The following ZZEF1 variants were observed in gnomAD, a reference collection of about 807,000 sequenced individuals.
ZZEF1 encodes the protein zinc finger ZZ-type and EF-hand domain containing 1.
Under a neutral mutation model 342.8 loss-of-function variants are expected in ZZEF1, and 157 were observed. That is an observed-to-expected ratio of 0.46 (90% CI 0.40 to 0.52). The LOEUF (loss-of-function observed/expected upper bound fraction) is 0.52. ZZEF1 is among the 20% of genes least tolerant of loss of function. The pLI is 0.00. For synonymous variants in ZZEF1, 1,505 were observed against 1,429.1 expected (o/e 1.05, Z -1.20); for missense variants, 3,480 against 3,725.6 (o/e 0.93, Z 1.72).
intron 1 of ZZEF1, among the ~76,000 whole-genome samples, chr17:4,135,741 T>TAA (rs1379817118): frequency 6.6e-6 from 1 of 152,150 alleles, no homozygotes; most frequent in African/African-American, 2.4e-5. Flanking sequence ...TCGGAGTTCC[T>TAA]GCCAAACCCT....
At chr17:4,085,857 A>G in intron 15 of ZZEF1, 54 bp from the exon 16 acceptor site, 1 of 1,602,406 alleles carries the variant, frequency 6.2e-7, no homozygotes, top group Non-Finnish European at 8.5e-7. Context: ...ATTCGCTTAT[A>G]CATCTGCTAT....
chr17:4,055,630 G>A (rs1369599457), intron 33 of ZZEF1, among the ~76,000 whole-genome samples: 3 of 152,188 alleles, frequency 2.0e-5, no homozygotes. Flanking sequence ...AGGCCCTCCA[G>A]CAATTCTATT....
At chr17:4,057,221 A>G (rs2057181194) in intron 32 of ZZEF1, among the ~76,000 whole-genome samples, 1 of 152,208 alleles carries the variant, frequency 6.6e-6, no homozygotes, top group Non-Finnish European at 1.5e-5. Flanking sequence ...CAAGATCCAC[A>G]GGCTCATGCC....
chr17:4,137,478 G>A (rs948826543), intron 1 of ZZEF1, among the ~76,000 whole-genome samples: 1 of 152,180 alleles, frequency 6.6e-6, no homozygotes, highest in African/African-American at 2.4e-5. Context: ...CGGGCGTGGT[G>A]GCAGGCGCCT....
chr17:4,028,540 C>T, intron 42 of ZZEF1, among the ~76,000 whole-genome samples: 1 of 141,314 alleles, frequency 7.1e-6, no homozygotes, highest in Non-Finnish European at 1.5e-5. Context: ...TGGAGTAAGA[C>T]TCTGTCTCCA....
intron 5 of ZZEF1, among the ~76,000 whole-genome samples, chr17:4,110,916 T>A (rs1402431387): frequency 1.3e-5 from 2 of 152,172 alleles, no homozygotes; most frequent in African/African-American, 4.8e-5. Flanking sequence ...TTTCACCATG[T>A]TGGCCAGGCT....
Position 4,014,211 on chromosome 17 carries a change from CCCATCAGGAACTGAA to C in ZZEF1, c.8315-38_8315-24del. On this transcript the variant is annotated intron_variant, in intron 50 of 54. Transcript: ENST00000381638. The surrounding 1 kb of genome is among the most constrained non-coding windows in gnomAD (Gnocchi z 4.4). ...CTCCTAGGCACACAAGGATCAGAGG[CCCATCAGGAACTGAA>C]GCAACAGGGAATGGCAGCAGTGGTG... 6.2e-7 allele frequency: 1 copy of C among 1,613,366 alleles called. No individual in the cohort carries two copies. The highest frequency in any genetic ancestry group is 1.1e-5 in the South Asian group (1 of 91,068).
chr17:4,134,028 C>A (rs1409251626), intron 1 of ZZEF1, among the ~76,000 whole-genome samples: 1 of 152,030 alleles, frequency 6.6e-6, no homozygotes, highest in Non-Finnish European at 1.5e-5. Flanking sequence ...TTAATAGATT[C>A]TATTGATTCA....
intron 8 of ZZEF1, among the ~76,000 whole-genome samples, chr17:4,104,043 T>A (rs1411619764): frequency 6.6e-6 from 1 of 152,166 alleles, no homozygotes; most frequent in Non-Finnish European, 1.5e-5. Context: ...TGCAGTCTTT[T>A]GGGAGTGACT....
rs2057158761 is a variant in ZZEF1 at position 4,056,331 on chromosome 17, T to G, written c.5180A>C (p.Glu1727Ala). 1 of 1,596,002 alleles carries G rather than the reference T, an allele frequency of 6.3e-7. No homozygotes were observed. Among genetic ancestry groups the G allele is most frequent in the Non-Finnish European group, 8.5e-7 (1 of 1,171,310 alleles). Residue 1727 changes from glutamate to alanine, a missense_variant, in exon 33 of 55, where the codon GAA (glutamate) becomes GCA (alanine). Glu to Ala is a moderately radical substitution (Grantham distance 107). Coordinates refer to ENST00000381638, the MANE Select transcript of ZZEF1 (RefSeq NM_015113.4). ...CTGCTTGGCATCAGCAAGCTCATCT[T>G]CTTCACTCCATTGGCTGAAAGAAGG... ...HDSVISQWSEEDELADAKQNS... is the reference protein window; with the variant it reads ...HDSVISQWSEADELADAKQNS...
At chr17:4,039,030 A>C (rs1024782228) in intron 39 of ZZEF1, among the ~76,000 whole-genome samples, 25 of 150,866 alleles carry the variant, frequency 1.7e-4, no homozygotes, top group African/African-American at 5.9e-4. Context: ...TTGCCCTCCA[A>C]AGTGCCTGCT....
Position 4,078,017 on chromosome 17 carries a change from G to A in ZZEF1, c.2855C>T (p.Ala952Val), listed in dbSNP as rs2057656142. The change falls in exon 19 of 55, where the codon GCC (alanine) becomes GTC (valine). Residue 952 changes from alanine (A) to valine (V), a missense_variant. Physicochemically the swap from Ala to Val is moderately conservative, Grantham distance 64. Around this residue, in one of 5 missense-constraint regions of ZZEF1, gnomAD observed 1,528 missense variants for 1,624.1 expected, o/e 0.94. Coordinates refer to ENST00000381638, the MANE Select transcript of ZZEF1 (RefSeq NM_015113.4). Reference sequence around the variant, plus strand: ...GAGCACAGAGCCCACCTCCCCTGGGGCCCCACTGAGCATTAACAGCTCGCA... The same window carrying A: ...GAGCACAGAGCCCACCTCCCCTGGGACCCCACTGAGCATTAACAGCTCGCA... ...RECELLMLSG[A>V]PGEVGSVLFS... 6.2e-7 allele frequency: 1 copy of A among 1,613,880 alleles called. No individual in the cohort carries two copies. Among genetic ancestry groups the A allele is most frequent in the Middle Eastern group, 1.7e-4 (1 of 6,060 alleles).
Position 4,008,598 on chromosome 17 carries a change from A to G in ZZEF1, c.8805+285T>C. On this transcript the variant is annotated intron_variant, in intron 54 of 54. Coordinates refer to ENST00000381638, the MANE Select transcript of ZZEF1 (RefSeq NM_015113.4). The surrounding 1 kb of genome is among the most constrained non-coding windows in gnomAD (Gnocchi z 4.2). ...AAATATGTGAAATCTAACTCCACGG[A>G]AACTTCAAGAATCAGCCAAACTAAA... 4 of 1,151,886 alleles carry G rather than the reference A, an allele frequency of 3.5e-6. No individual in the cohort carries two copies. Among genetic ancestry groups the G allele is most frequent in the Non-Finnish European group, 4.3e-6 (4 of 935,650 alleles). The allele number at this position is 1,151,886 out of a possible 1,614,324, so 71.4% of individuals were successfully genotyped here.
At chr17:4,045,013 G>A (rs1567789749) in intron 37 of ZZEF1, among the ~76,000 whole-genome samples, 1 of 152,060 alleles carries the variant, frequency 6.6e-6, no homozygotes, top group Non-Finnish European at 1.5e-5. Flanking sequence ...AATTAGCTGG[G>A]CGTGGTGGCG....
intron 37 of ZZEF1, 68 bp from the exon 38 acceptor site, chr17:4,044,442 CTTT>C (rs937823312): frequency 6.9e-7 from 1 of 1,447,402 alleles, no homozygotes; most frequent in African/African-American, 1.4e-5. Flanking sequence ...ATTATGATAA[CTTT>C]TTAATGATTA....
intron 30 of ZZEF1, among the ~76,000 whole-genome samples, chr17:4,060,912 T>C (rs2057274419): frequency 6.6e-6 from 1 of 151,046 alleles, no homozygotes; most frequent in African/African-American, 2.4e-5. Context: ...AATTATCCCC[T>C]CTCTTCCTGC....
Position 4,104,826 on chromosome 17 carries a change from C to T in ZZEF1, c.1395-15G>A. On this transcript the variant is annotated splice_polypyrimidine_tract_variant and intron_variant, in intron 7 of 54. Transcript: ENST00000381638. ...TAGAACAGCAGCTATAAGCAAAGAG[C>T]AAAAACTTTTCACTTCTTAAAAACA... The T allele has an allele frequency of 6.2e-7, 1 of 1,603,736 alleles. No individual in the cohort carries two copies. Among genetic ancestry groups the T allele is most frequent in the Non-Finnish European group, 8.5e-7 (1 of 1,176,598 alleles).
chr17:4,053,671 C>T (rs979564212), intron 34 of ZZEF1, among the ~76,000 whole-genome samples: 7 of 152,184 alleles, frequency 4.6e-5, no homozygotes, highest in Non-Finnish European at 8.8e-5. Context: ...TCTGTTTTAC[C>T]TCAGCACCTA....
rs765455690 is a variant in ZZEF1, at chr17:4,051,989, G to A, written c.5582C>T (p.Ala1861Val). The change falls in exon 35 of 55, where the codon GCG (alanine) becomes GTG (valine). Residue 1861 changes from alanine (A) to valine (V), a missense_variant. Ala to Val is a moderately conservative substitution (Grantham distance 64, BLOSUM62 0). Coordinates refer to ENST00000381638, the MANE Select transcript of ZZEF1 (RefSeq NM_015113.4). ...DFDLCYGCYAAKKYSYGHLPT... is the reference protein window; with the variant it reads ...DFDLCYGCYAVKKYSYGHLPT... Reference sequence around the variant, plus strand: ...GACATACCCGTAGGAGTATTTCTTCGCTGCATAGCATCCGTAGCAAAGATC... The same window carrying A: ...GACATACCCGTAGGAGTATTTCTTCACTGCATAGCATCCGTAGCAAAGATC... 44 of 1,613,826 alleles carry A rather than the reference G, an allele frequency of 2.7e-5. No homozygotes were observed. The highest frequency in any genetic ancestry group is 3.3e-5 in the Admixed American group (2 of 59,986).
Sources: gnomAD v4.1 joint callset for allele counts (sites outside exome capture counted in the v4.1 genomes callset) on GRCh38, gnomAD v4.1.1 for gene constraint, gnomAD v4.1.1 regional missense constraint, Gnocchi (gnomAD v3.1) non-coding constraint, MANE v1.5 for transcripts, NCBI Gene and HGNC (gene_info 2026-07-23, HGNC 2026-07-21) for gene names.